The following BCL2 variants were observed in gnomAD, a reference collection of about 807,000 sequenced individuals.
The protein encoded by BCL2 is apoptosis regulator Bcl-2.
In BCL2, 1 loss-of-function variant was observed where a neutral mutation model predicts 14.2. That is an observed-to-expected ratio of 0.07 (90% CI 0.02 to 0.33). The LOEUF (loss-of-function observed/expected upper bound fraction) is 0.33, where lower values mean the gene tolerates loss of function less well. Ranked by LOEUF, BCL2 falls within the 10% of genes least tolerant of loss-of-function variation. The probability of loss-of-function intolerance (pLI) is 0.99; values close to 1 mark genes in which losing one functional copy is unlikely to be tolerated. For synonymous variants in BCL2, 151 were observed against 137.2 expected (o/e 1.10, Z -0.70); for missense variants, 247 against 305.9 (o/e 0.81, Z 1.44).
At chr18:63,259,375 T>A (rs897322749) in intron 2 of BCL2, among the ~76,000 whole-genome samples, 7 of 152,174 alleles carry the variant, frequency 4.6e-5, no homozygotes, top group Admixed American at 3.9e-4. Context: ...AGGGCTTCGC[T>A]GAGGTCTATT....
intron 2 of BCL2, among the ~76,000 whole-genome samples, chr18:63,132,740 T>C (rs887713538): frequency 6.6e-6 from 1 of 152,210 alleles, no homozygotes; most frequent in South Asian, 2.1e-4. Context: ...AACATCCTGA[T>C]TGGGGCGATT....
At chr18:63,224,816 C>G (rs1000219870) in intron 2 of BCL2, among the ~76,000 whole-genome samples, 1 of 152,182 alleles carries the variant, frequency 6.6e-6, no homozygotes, top group Non-Finnish European at 1.5e-5. Context: ...AAGAGCAAGG[C>G]ATATGAAGGC....
chr18:63,171,667 A>G (rs1915224277), intron 2 of BCL2, among the ~76,000 whole-genome samples: 1 of 152,252 alleles, frequency 6.6e-6, no homozygotes, highest in African/African-American at 2.4e-5. Context: ...ATATGCTTCA[A>G]GCTGTAAGAG....
chr18:63,154,518 C>G (rs571806143), intron 2 of BCL2, among the ~76,000 whole-genome samples: 110 of 152,302 alleles, frequency 7.2e-4, no homozygotes, highest in African/African-American at 2.6e-3. Context: ...CACTGCTTGC[C>G]TTGAACTCCA....
chr18:63,250,162 A>C (rs1364023215), intron 2 of BCL2, among the ~76,000 whole-genome samples: 1 of 152,216 alleles, frequency 6.6e-6, no homozygotes, highest in Non-Finnish European at 1.5e-5. Context: ...AAGCACACTG[A>C]ATCACATAGT....
At chr18:63,138,995 A>C (rs148375749) in intron 2 of BCL2, among the ~76,000 whole-genome samples, 1 of 152,348 alleles carries the variant, frequency 6.6e-6, no homozygotes, top group African/African-American at 2.4e-5. Flanking sequence ...GCCATGGGCC[A>C]GGGCAGAGGA....
chr18:63,317,112 G>A (rs781752716), intron 2 of BCL2: 2 of 152,076 alleles, frequency 1.3e-5, no homozygotes, highest in African/African-American at 2.4e-5. Context: ...AGCACAGTAC[G>A]AGAAAAAGAT....
intron 2 of BCL2, among the ~76,000 whole-genome samples, chr18:63,236,977 C>T (rs1910854724): frequency 6.6e-6 from 1 of 152,026 alleles, no homozygotes; most frequent in Non-Finnish European, 1.5e-5. Context: ...AAATCTGAAA[C>T]GGGAGCTTCC....
intron 2 of BCL2, among the ~76,000 whole-genome samples, chr18:63,229,955 T>G (rs1455800455): frequency 6.6e-6 from 1 of 152,042 alleles, no homozygotes; most frequent in Non-Finnish European, 1.5e-5. Context: ...TTAGTACACA[T>G]CTCTATGAAA....
intron 2 of BCL2, among the ~76,000 whole-genome samples, chr18:63,215,368 A>T (rs1221762244): frequency 6.6e-6 from 1 of 152,254 alleles, no homozygotes; most frequent in African/African-American, 2.4e-5. Flanking sequence ...TGTCATAGCT[A>T]CATTCAATAA....
chr18:63,191,098 A>G (rs1179927107), intron 2 of BCL2, among the ~76,000 whole-genome samples: 3 of 152,168 alleles, frequency 2.0e-5, no homozygotes, highest in East Asian at 3.8e-4. Context: ...TATCCAGTCT[A>G]TCATTGAGGG....
At chr18:63,182,760 T>A (rs1033039900) in intron 2 of BCL2, among the ~76,000 whole-genome samples, 5 of 152,184 alleles carry the variant, frequency 3.3e-5, no homozygotes, top group African/African-American at 4.8e-5. Flanking sequence ...GACAAAAAAA[T>A]TTTGCATAGA....
chr18:63,170,907 G>A (rs898859764), intron 2 of BCL2, among the ~76,000 whole-genome samples: 1 of 152,192 alleles, frequency 6.6e-6, no homozygotes. Context: ...TACACCAATC[G>A]AGTGTCTTCT....
intron 2 of BCL2, chr18:63,302,553 A>G: frequency 1.0e-6 from 1 of 985,338 alleles, no homozygotes; most frequent in Non-Finnish European, 1.2e-6. Context: ...GTTGAATTGA[A>G]ATTTTTTAAT....
intron 2 of BCL2, among the ~76,000 whole-genome samples, chr18:63,174,378 G>GA: frequency 6.7e-6 from 1 of 149,838 alleles, no homozygotes; most frequent in African/African-American, 2.4e-5. Context: ...TTTTATTGTT[G>GA]TTTTTTTTTT....
chr18:63,189,693 G>T (rs566032525), intron 2 of BCL2, among the ~76,000 whole-genome samples: 1 of 148,716 alleles, frequency 6.7e-6, no homozygotes, highest in South Asian at 2.2e-4. Flanking sequence ...GAGAACTGGT[G>T]TCCCACCCCC....
chr18:63,198,329 GAC>G (rs751075739), intron 2 of BCL2, among the ~76,000 whole-genome samples: 207 of 130,384 alleles, frequency 1.6e-3, no homozygotes, highest in South Asian at 2.5e-3. Context: ...CAGACACAGA[GAC>G]ACACACACAG....
chr18:63,274,599 A>C (rs1912098734), intron 2 of BCL2, among the ~76,000 whole-genome samples: 1 of 151,808 alleles, frequency 6.6e-6, no homozygotes, highest in Non-Finnish European at 1.5e-5. Context: ...TTATAATGAT[A>C]CTCTAAATAA....
chr18:63,266,782 G>A (rs1474091016), intron 2 of BCL2, among the ~76,000 whole-genome samples: 1 of 152,128 alleles, frequency 6.6e-6, no homozygotes, highest in African/African-American at 2.4e-5. Context: ...CAAGGTCTCA[G>A]CTTCCTCATC....
Sources: gnomAD v4.1 joint callset for allele counts (sites outside exome capture counted in the v4.1 genomes callset) on GRCh38, gnomAD v4.1.1 for gene constraint, MANE v1.5 for transcripts, NCBI Gene and HGNC (gene_info 2026-07-23, HGNC 2026-07-21) for gene names.